The following SYNE2 variants were observed in gnomAD, a reference collection of about 807,000 sequenced individuals.
SYNE2 encodes nesprin-2.
In SYNE2, 431 loss-of-function variants were observed where a neutral mutation model predicts 856.3. The ratio of observed to expected loss-of-function variants is 0.50; its 90% CI spans 0.47 to 0.55. The LOEUF (loss-of-function observed/expected upper bound fraction) is 0.55. Among genes scored for constraint, SYNE2 ranks in the 20% least tolerant of loss-of-function variants. The pLI is 0.00. For synonymous variants in SYNE2, 2,923 were observed against 2,872.3 expected (o/e 1.02, Z -0.56); for missense variants, 8,129 against 8,023.2 (o/e 1.01, Z -0.50).
At position 64,126,638 on chromosome 14, in the gene SYNE2, G is replaced by C. The variant is rs748902348; in HGVS notation, c.13748G>C (p.Ser4583Thr). The C allele has an allele frequency of 6.2e-7, 1 of 1,614,208 alleles. No individual in the cohort carries two copies. Among genetic ancestry groups the C allele is most frequent in the African/African-American group, 1.3e-5 (1 of 75,040 alleles). Residue 4583 changes from serine (S) to threonine (T), a missense_variant, in exon 73 of 116, where the codon AGT (serine) becomes ACT (threonine). By Grantham distance (58) the Ser-to-Thr change is moderately conservative (BLOSUM62 1). Transcript: ENST00000555002. Reference protein sequence around the residue: ...LELKKLYLALSDKKGDLLKAM... With the variant: ...LELKKLYLALTDKKGDLLKAM... ...TTGAAGAAACTTTATTTAGCGCTAA[G>C]TGACAAGAAGGGTGATCTTTTGAAA... is the stretch of plus-strand genomic sequence containing the variant.
intron 32 of SYNE2, among the ~76,000 whole-genome samples, chr14:64,011,472 C>A (rs11851291): frequency 6.6e-6 from 1 of 152,164 alleles, no homozygotes; most frequent in Non-Finnish European, 1.5e-5. Context: ...CTTACCAGAT[C>A]CTCTCGGGCT....
rs779978883 is a variant in SYNE2, at chr14:64,000,709, C to G, written c.3628C>G (p.Leu1210Val). ...KERERELQMT[L>V]NTRMESLETA... ...AAGAGAAAGAGAGCTTCAGATGACTCTTAATACCAGGTAAAATTCTGAGAT... is the reference window on the plus strand; with the variant it reads ...AAGAGAAAGAGAGCTTCAGATGACTGTTAATACCAGGTAAAATTCTGAGAT... The change falls in exon 28 of 116, where the codon CTT (leucine) becomes GTT (valine). Residue 1210 changes from leucine to valine, a missense_variant. By Grantham distance (32) the Leu-to-Val change is conservative. Coordinates refer to ENST00000555002, the MANE Select transcript of SYNE2 (RefSeq NM_182914.3). 7.4e-6 allele frequency: 12 copies of G among 1,611,802 alleles called. No homozygotes were observed. Among genetic ancestry groups the G allele is most frequent in the Admixed American group, 1.7e-5 (1 of 59,942 alleles).
At chr14:64,007,526 G>A (rs1278456711) in intron 31 of SYNE2, among the ~76,000 whole-genome samples, 1 of 152,150 alleles carries the variant, frequency 6.6e-6, no homozygotes, top group African/African-American at 2.4e-5. Context: ...AAATCACCAC[G>A]AACTTAGTGG....
At position 64,210,061 on chromosome 14, in the gene SYNE2, C is replaced by T. The variant is rs757875136; in HGVS notation, c.18660C>T (p.His6220=). ...DTASRLKQMV[H]EGNQRWDNLQ... ...CCAGCAGGCTGAAGCAGATGGTCCA[C>T]GAGGGCAACCAGCGCTGGGACAACC... is the stretch of plus-strand genomic sequence containing the variant. The change falls in exon 103 of 116, where the codon CAC becomes CAT. Residue 6220 remains histidine, a synonymous_variant. Coordinates refer to ENST00000555002, the MANE Select transcript of SYNE2 (RefSeq NM_182914.3). 1.2e-5 allele frequency: 20 copies of T among 1,613,990 alleles called. No homozygotes were observed. The highest frequency in any genetic ancestry group is 6.7e-5 in the African/African-American group (5 of 74,938).
At chr14:63,792,275 C>G (rs1019823758) in intron 1 of SYNE2, among the ~76,000 whole-genome samples, 24 of 152,206 alleles carry the variant, frequency 1.6e-4, no homozygotes, top group Admixed American at 5.2e-4. Context: ...ATCTTAAGAG[C>G]TGGAGTCACC....
intron 29 of SYNE2, 45 bp from the exon 30 acceptor site, chr14:64,002,675 C>A: frequency 6.2e-7 from 1 of 1,600,218 alleles, no homozygotes; most frequent in Non-Finnish European, 8.5e-7. Context: ...TGTAGCCTTT[C>A]TTTTTTCCAC....
At chr14:64,128,302 G>T in intron 73 of SYNE2, 150 bp from the exon 74 acceptor site, 1 of 615,360 alleles carries the variant, frequency 1.6e-6, no homozygotes. Context: ...AATAATTGTT[G>T]AAGTTTAATG....
At chr14:64,013,306 A>T (rs949419050) in intron 32 of SYNE2, among the ~76,000 whole-genome samples, 1 of 143,058 alleles carries the variant, frequency 7.0e-6, no homozygotes, top group East Asian at 2.1e-4. Context: ...TTGCTTAAAA[A>T]TTTTTTTCCT....
At chr14:63,884,034 G>A (rs2094926084) in intron 1 of SYNE2, among the ~76,000 whole-genome samples, 1 of 152,192 alleles carries the variant, frequency 6.6e-6, no homozygotes, top group African/African-American at 2.4e-5. Context: ...GTGTGGCCCA[G>A]GAGATGAAGG....
At chr14:63,790,707 T>C (rs1887702528) in intron 1 of SYNE2, among the ~76,000 whole-genome samples, 1 of 152,170 alleles carries the variant, frequency 6.6e-6, no homozygotes, top group South Asian at 2.1e-4. Context: ...CACAGTTCTA[T>C]TGAATATTAT....
intron 65 of SYNE2, among the ~76,000 whole-genome samples, chr14:64,108,252 T>C (rs879804083): frequency 1.3e-5 from 2 of 152,138 alleles, no homozygotes; most frequent in Non-Finnish European, 2.9e-5. Flanking sequence ...CTCAAGAGGC[T>C]GAGACAGGAG....
At chr14:63,764,377 T>A (rs1595088906) in intron 1 of SYNE2, among the ~76,000 whole-genome samples, 2 of 152,068 alleles carry the variant, frequency 1.3e-5, no homozygotes, top group Non-Finnish European at 2.9e-5. Flanking sequence ...AAGTTCAAAG[T>A]GGACAGTGAG....
At chr14:63,865,009 A>C (rs1187928345) in intron 1 of SYNE2, among the ~76,000 whole-genome samples, 1 of 150,334 alleles carries the variant, frequency 6.7e-6, no homozygotes, top group Non-Finnish European at 1.5e-5. Context: ...TAGCTTTGCC[A>C]TATACTAGAG....
chr14:63,765,848 A>G (rs1488271388), intron 1 of SYNE2, among the ~76,000 whole-genome samples: 1 of 152,116 alleles, frequency 6.6e-6, no homozygotes, highest in South Asian at 2.1e-4. Flanking sequence ...TAAAAAAATT[A>G]TATCTGCCCT....
chr14:63,917,344 G>T (rs142820894), intron 2 of SYNE2, among the ~76,000 whole-genome samples: 3 of 152,290 alleles, frequency 2.0e-5, no homozygotes, highest in Non-Finnish European at 4.4e-5. Flanking sequence ...TCCCTCACTG[G>T]CTATCAGTGT....
At position 64,225,547 on chromosome 14, in the gene SYNE2, G is replaced by A. The variant is rs754560295; in HGVS notation, c.*21G>A. ...CATAGAGGGCATAGCTGGCCACAGT[G>A]CTACACCACCTGCCTGATTGCCAAG... is the stretch of plus-strand genomic sequence containing the variant. On this transcript the variant is annotated 3_prime_UTR_variant, in exon 116 of 116. Coordinates refer to ENST00000555002, the MANE Select transcript of SYNE2 (RefSeq NM_182914.3). 3 of 1,611,372 alleles carry A rather than the reference G, an allele frequency of 1.9e-6. No homozygotes were observed. In the African/African-American group the frequency reaches 4.0e-5, roughly 22 times the overall value.
intron 1 of SYNE2, among the ~76,000 whole-genome samples, chr14:63,831,003 G>A (rs1889649086): frequency 6.6e-6 from 1 of 151,846 alleles, no homozygotes; most frequent in South Asian, 2.1e-4. Flanking sequence ...ACCCTGCCCG[G>A]CTAATTTTTG....
intron 1 of SYNE2, among the ~76,000 whole-genome samples, chr14:63,834,207 A>G (rs116933787): frequency 0.013 from 1,960 of 152,220 alleles, 18 homozygotes; most frequent in Non-Finnish European, 0.017. Context: ...AAAATTCAAT[A>G]CAAATATTAA....
chr14:64,169,769 C>G (rs1021086592), intron 93 of SYNE2, among the ~76,000 whole-genome samples: 2 of 152,124 alleles, frequency 1.3e-5, no homozygotes, highest in Non-Finnish European at 2.9e-5. Flanking sequence ...CCTTATTTCT[C>G]GTGTGAAGGA....
Sources: allele counts gnomAD v4.1 joint callset (sites outside exome capture counted in the v4.1 genomes callset), GRCh38; gene constraint gnomAD v4.1.1; transcripts MANE v1.5; gene names NCBI Gene and HGNC (gene_info 2026-07-23, HGNC 2026-07-21).